MBOAT4: variants seen among roughly 807,000 people sequenced by gnomAD.
MBOAT4 encodes the protein membrane bound ghrelin O-acyltransferase MBOAT4, also known as membrane-bound ghrelin O-acyltransferase MBOAT4.
In MBOAT4, 11 loss-of-function variants were observed where a neutral mutation model predicts 13.2. The observed-to-expected ratio is 0.84, with a 90% CI of 0.53 to 1.38. The LOEUF (loss-of-function observed/expected upper bound fraction) is 1.38. Among genes scored for constraint, MBOAT4 ranks in the 40% most tolerant of loss-of-function variants. The probability of loss-of-function intolerance (pLI) is 0.00; values close to 1 mark genes in which losing one functional copy is unlikely to be tolerated. For missense variants in MBOAT4, 481 were observed against 527.2 expected, an observed-to-expected ratio of 0.91 and a Z score of 0.86; for synonymous variants, 202 against 210.3, an observed-to-expected ratio of 0.96 and a Z score of 0.34.
chr8:30,136,371 G>A (rs556272760), intron 2 of MBOAT4, among the ~76,000 whole-genome samples: 4 of 152,288 alleles, frequency 2.6e-5, no homozygotes, highest in African/African-American at 4.8e-5. Flanking sequence ...CGCAAGCCAC[G>A]AGAATGGCCT....
chr8:30,137,300 TG>T, intron 2 of MBOAT4: 1 of 1,551,648 alleles, frequency 6.4e-7, no homozygotes, highest in Non-Finnish European at 8.7e-7. Context: ...TTCAGCAAGA[TG>T]GGAACAGCTG....
intron 1 of MBOAT4, among the ~76,000 whole-genome samples, chr8:30,143,366 A>AAAAAAAAAAAAAT (rs1803294696): frequency 4.9e-5 from 1 of 20,456 alleles, no homozygotes; most frequent in African/African-American, 8.4e-5. Context: ...AAAAAAAAAA[A>AAAAAAAAAAAAAT]ATATATATAT....
At position 30,135,638 on chromosome 8, in the gene MBOAT4, A is replaced by G. The variant is rs568608422; in HGVS notation, c.345-2732T>C. Among the ~76,000 whole-genome samples, 4 of 152,232 alleles carry G rather than the reference A, an allele frequency of 2.6e-5. No individual in the cohort carries two copies. In the East Asian group the frequency reaches 5.8e-4, roughly 22 times the overall value. On this transcript the variant is annotated intron_variant, in intron 2 of 2. Coordinates refer to ENST00000320542, the MANE Select transcript of MBOAT4 (RefSeq NM_001100916.2). ...ATGAATGAAAATTAGGCTGGGCACAATGGCTCACACCTGTAATCCCAGCAC... is the reference window on the plus strand; with the variant it reads ...ATGAATGAAAATTAGGCTGGGCACAGTGGCTCACACCTGTAATCCCAGCAC...
Position 30,132,580 on chromosome 8 carries a change from C to G in MBOAT4, c.671G>C (p.Arg224Thr). 6.4e-7 allele frequency: 1 copy of G among 1,551,762 alleles called. No individual in the cohort carries two copies. The highest frequency in any genetic ancestry group is 8.7e-7 in the Non-Finnish European group (1 of 1,147,008). Residue 224 changes from arginine to threonine, a missense_variant, in exon 3 of 3, where the codon AGG becomes ACG. By Grantham distance (71) the Arg-to-Thr change is moderately conservative (BLOSUM62 -1). Coordinates refer to ENST00000320542, the MANE Select transcript of MBOAT4 (RefSeq NM_001100916.2). Reference protein sequence around the residue: ...GLECLNVAVSRVVDAGAGLTD... With the variant: ...GLECLNVAVSTVVDAGAGLTD... ...CAGTCCCGCTCCTGCATCCACCACC[C>G]TGCTCACTGCCACGTTTAGGCATTC...
chr8:30,138,024 C>G (rs1222685284), intron 2 of MBOAT4: 2 of 172,540 alleles, frequency 1.2e-5, no homozygotes, highest in African/African-American at 4.8e-5. Context: ...GGCCCCCACC[C>G]AGGAGCTGAC....
intron 1 of MBOAT4, among the ~76,000 whole-genome samples, chr8:30,142,728 T>C (rs1464938030): frequency 1.3e-5 from 2 of 152,178 alleles, no homozygotes; most frequent in East Asian, 1.9e-4. Flanking sequence ...CATGTTGCTT[T>C]ATTGTTTTGA....
chr8:30,140,388 A>T (rs1803243423), intron 1 of MBOAT4, among the ~76,000 whole-genome samples: 1 of 152,102 alleles, frequency 6.6e-6, no homozygotes, highest in Non-Finnish European at 1.5e-5. Flanking sequence ...GCGCCCGGCC[A>T]CTGCAGAATC....
chr8:30,136,596 C>T (rs1803145221), intron 2 of MBOAT4, among the ~76,000 whole-genome samples: 1 of 152,186 alleles, frequency 6.6e-6, no homozygotes, highest in Non-Finnish European at 1.5e-5. Context: ...CCCCATCAGG[C>T]CCCAGCTCCC....
At position 30,132,509 on chromosome 8, in the gene MBOAT4, C is replaced by T. The variant is rs1175283896; in HGVS notation, c.742G>A (p.Ala248Thr). The T allele has an allele frequency of 1.3e-6, 2 of 1,551,756 alleles. No homozygotes were observed. Among genetic ancestry groups the T allele is most frequent in the South Asian group, 1.2e-5 (1 of 84,058 alleles). The change falls in exon 3 of 3, where the codon GCT (alanine) becomes ACT (threonine). Residue 248 changes from alanine (A) to threonine (T), a missense_variant. Coordinates refer to ENST00000320542, the MANE Select transcript of MBOAT4 (RefSeq NM_001100916.2). ...FECIYVVWTTAGLFKLTYYSH... is the reference protein window; with the variant it reads ...FECIYVVWTTTGLFKLTYYSH... Reference sequence around the variant, plus strand: ...TAGTAGGTGAGCTTGAAAAGCCCAGCTGTGGTCCACACGACATAGATGCAC... The same window carrying T: ...TAGTAGGTGAGCTTGAAAAGCCCAGTTGTGGTCCACACGACATAGATGCAC...
At chr8:30,136,730 C>CTTTTTTTTTTTTTT (rs11390350) in intron 2 of MBOAT4, among the ~76,000 whole-genome samples, 2 of 143,788 alleles carry the variant, frequency 1.4e-5, no homozygotes, top group African/African-American at 2.6e-5. Flanking sequence ...TCCCCCCGAA[C>CTTTTTTTTTTTTTT]TTTTTTTTTT....
At chr8:30,134,856 CCTTTTCTTTTTT>C (rs1397213914) in intron 2 of MBOAT4, among the ~76,000 whole-genome samples, 2 of 151,324 alleles carry the variant, frequency 1.3e-5, no homozygotes, top group Non-Finnish European at 1.5e-5. Context: ...CCATAAGCAT[CCTTTTCTTTTTT>C]CTTTTCTTTT....
chr8:30,137,927 A>G lies in MBOAT4; in HGVS notation c.344+605T>C, dbSNP rs143827502. ...TAACATTACTATTCTAAGGCCTAAC[A>G]TCAGTGCTTGAGATGTTTTGTAGAC... On this transcript the variant is annotated intron_variant, in intron 2 of 2. Coordinates refer to ENST00000320542, the MANE Select transcript of MBOAT4 (RefSeq NM_001100916.2). 3.1e-4 allele frequency: 68 copies of G among 221,156 alleles called. 1 individual carries two copies. The East Asian group carries it at 6.0e-3, about 20-fold the overall frequency. 13.7% of individuals were successfully genotyped at this position (221,156 alleles called of 1,614,324 possible).
At chr8:30,139,060 C>T (rs926642395) in intron 1 of MBOAT4, among the ~76,000 whole-genome samples, 2 of 151,744 alleles carry the variant, frequency 1.3e-5, no homozygotes, top group Non-Finnish European at 2.9e-5. Flanking sequence ...ACAGCCCTGA[C>T]CTCCTGGACT....
chr8:30,138,060 C>G (rs1267574526), intron 2 of MBOAT4: 1 of 172,858 alleles, frequency 5.8e-6, no homozygotes, highest in East Asian at 1.5e-4. Context: ...TGTTCTGACT[C>G]CCTATGATTT....
intron 2 of MBOAT4, chr8:30,137,702 T>C: frequency 1.7e-6 from 1 of 581,574 alleles, no homozygotes; most frequent in Non-Finnish European, 3.1e-6. Context: ...GGGACTCATT[T>C]TGGGAGGAAC....
chr8:30,137,979 T>C, intron 2 of MBOAT4: 1 of 184,618 alleles, frequency 5.4e-6, no homozygotes, highest in Admixed American at 5.3e-5. Context: ...CAGCTGGTAC[T>C]ACCCAGACCG....
chr8:30,133,079 CTTAT>C (rs965669291), intron 2 of MBOAT4, among the ~76,000 whole-genome samples, 173 bp from the exon 3 acceptor site: 13 of 152,138 alleles, frequency 8.5e-5, no homozygotes, highest in African/African-American at 2.9e-4. Context: ...ATAAATCAAT[CTTAT>C]TTATTTATTT....
chr8:30,137,552 G>C, intron 2 of MBOAT4: 1 of 1,275,100 alleles, frequency 7.8e-7, no homozygotes, highest in Non-Finnish European at 1.1e-6. Context: ...ACACGTGGCA[G>C]TGATGATTAG....
rs148872233 is a variant in MBOAT4, at chr8:30,131,871, C to T, written c.*72G>A. ...TATTATGGAAAAGTTCAAATGTATG[C>T]ATTATCGATGCGTCATCTGGCACTT... On this transcript the variant is annotated 3_prime_UTR_variant, in exon 3 of 3. Transcript: ENST00000320542. 8.9e-6 allele frequency: 13 copies of T among 1,458,640 alleles called. No individual in the cohort carries two copies. Among genetic ancestry groups the T allele is most frequent in the Non-Finnish European group, 1.2e-5 (13 of 1,099,804 alleles). The allele number at this position is 1,458,640 out of a possible 1,614,324, so 90.4% of individuals were successfully genotyped here.
Sources: allele counts gnomAD v4.1 joint callset (sites outside exome capture counted in the v4.1 genomes callset), GRCh38; gene constraint gnomAD v4.1.1; transcripts MANE v1.5; gene names NCBI Gene and HGNC (gene_info 2026-07-23, HGNC 2026-07-21).